Variants in FGF14 observed in about 807,000 individuals in gnomAD.
FGF14 encodes the protein fibroblast growth factor 14, also known as fibroblast growth factor homologous factor 4.
A neutral mutation model predicts 25.5 loss-of-function variants in FGF14; 5 were observed. That is an observed-to-expected ratio of 0.20 (90% CI 0.10 to 0.41). The LOEUF (loss-of-function observed/expected upper bound fraction) is 0.41, where lower values mean the gene tolerates loss of function less well. Among genes scored for constraint, FGF14 ranks in the 10% least tolerant of loss-of-function variants. The pLI is 1.00. For synonymous variants in FGF14, 138 were observed against 118.3 expected (o/e 1.17, Z -1.08); for missense variants, 222 against 320.1 (o/e 0.69, Z 2.34).
chr13:102,047,859 C>T (rs1016651808), intron 1 of FGF14, among the ~76,000 whole-genome samples: 2 of 152,004 alleles, frequency 1.3e-5, no homozygotes. Flanking sequence ...AATAGTTTTT[C>T]TCAACATTAA....
chr13:102,132,550 T>C (rs954316519), intron 1 of FGF14, among the ~76,000 whole-genome samples: 4 of 150,806 alleles, frequency 2.7e-5, no homozygotes, highest in Non-Finnish European at 5.9e-5. Context: ...TGCCCAGGCC[T>C]GAGTGCAGTG....
At chr13:102,386,334 G>A (rs1348068966) in intron 1 of FGF14, among the ~76,000 whole-genome samples, 1 of 151,984 alleles carries the variant, frequency 6.6e-6, no homozygotes, top group Non-Finnish European at 1.5e-5. Context: ...GGTTTGCCAT[G>A]TCTGCCAGGC....
In FGF14 at chr13:102,183,440, G is replaced by A. The variant is rs543183690; in HGVS notation, c.208+218031C>T. On this transcript the variant is annotated intron_variant, in intron 1 of 4. Transcript: ENST00000376131. ...TTATAAAGCAGGATAAGTACTGCCA[G>A]ATCGTCCCTGCCATATAGACTAGTT... is the stretch of plus-strand genomic sequence containing the variant. Among the ~76,000 whole-genome samples the A allele has an allele frequency of 1.3e-5, 2 of 152,294 alleles. 1 individual carries two copies. Among genetic ancestry groups the A allele is most frequent in the Admixed American group, 1.3e-4 (2 of 15,284 alleles).
intron 3 of FGF14, among the ~76,000 whole-genome samples, chr13:101,842,886 C>T (rs2043259659): frequency 6.6e-6 from 1 of 152,020 alleles, no homozygotes; most frequent in South Asian, 2.1e-4. Flanking sequence ...AGCTGGGACA[C>T]CTTTGAGGAT....
chr13:102,177,953 G>T (rs991989175), intron 1 of FGF14, among the ~76,000 whole-genome samples: 1 of 151,882 alleles, frequency 6.6e-6, no homozygotes, highest in African/African-American at 2.4e-5. Context: ...TCATCATTCA[G>T]CACATAGCAC....
intron 1 of FGF14, among the ~76,000 whole-genome samples, chr13:101,925,391 C>T (rs950901591): frequency 6.6e-6 from 1 of 152,168 alleles, no homozygotes; most frequent in African/African-American, 2.4e-5. Flanking sequence ...CTTCCAAAAA[C>T]TCTCTACAAC....
intron 1 of FGF14, among the ~76,000 whole-genome samples, chr13:102,271,342 G>C (rs1460220897): frequency 6.6e-6 from 1 of 151,986 alleles, no homozygotes; most frequent in East Asian, 1.9e-4. Context: ...TCACCATTCT[G>C]TCTCGTCCAT....
At chr13:102,053,609 C>T (rs66962458) in intron 1 of FGF14, among the ~76,000 whole-genome samples, 5,028 of 152,114 alleles carry the variant, frequency 0.033, 269 homozygotes, top group African/African-American at 0.11. Context: ...CAATAAATGC[C>T]TACATCAAGA....
intron 1 of FGF14, among the ~76,000 whole-genome samples, chr13:102,108,941 ACTTAT>A (rs978804034): frequency 6.6e-6 from 1 of 152,006 alleles, no homozygotes; most frequent in Non-Finnish European, 1.5e-5. Flanking sequence ...TCTCAATCTG[ACTTAT>A]CTTTTAGATC....
intron 1 of FGF14, among the ~76,000 whole-genome samples, chr13:102,386,733 T>C (rs2058313233): frequency 2.0e-5 from 3 of 152,238 alleles, no homozygotes; most frequent in Admixed American, 2.0e-4. Flanking sequence ...CATTTCCATA[T>C]GACACAGATT....
chr13:102,364,741 A>G (rs2057661032), intron 1 of FGF14, among the ~76,000 whole-genome samples: 1 of 152,230 alleles, frequency 6.6e-6, no homozygotes, highest in African/African-American at 2.4e-5. Flanking sequence ...ACAGCACCGC[A>G]GCCAGTGGTC....
chr13:102,325,626 A>C (rs2056400692), intron 1 of FGF14, among the ~76,000 whole-genome samples: 2 of 152,246 alleles, frequency 1.3e-5, no homozygotes, highest in African/African-American at 4.8e-5. Flanking sequence ...TTACAATTTA[A>C]AATTTCAATT....
chr13:102,350,884 C>T (rs891170944), intron 1 of FGF14, among the ~76,000 whole-genome samples: 4 of 152,206 alleles, frequency 2.6e-5, no homozygotes, highest in African/African-American at 7.2e-5. Context: ...TCACTGGACA[C>T]GGCCTCCCTC....
chr13:102,141,838 CTGGGAAAAGGT>C (rs2046656146), intron 1 of FGF14, among the ~76,000 whole-genome samples: 1 of 152,056 alleles, frequency 6.6e-6, no homozygotes, highest in Admixed American at 6.6e-5. Context: ...AGGCTGTTTT[CTGGGAAAAGGT>C]TTTGAAAATG....
intron 1 of FGF14, among the ~76,000 whole-genome samples, chr13:102,245,627 G>T (rs2051827882): frequency 6.6e-6 from 1 of 151,796 alleles, no homozygotes; most frequent in African/African-American, 2.4e-5. Context: ...ATTTTATAAG[G>T]ATTTAATGAA....
intron 1 of FGF14, among the ~76,000 whole-genome samples, chr13:102,387,755 T>A (rs1014121463): frequency 2.0e-5 from 3 of 152,032 alleles, no homozygotes; most frequent in Non-Finnish European, 4.4e-5. Flanking sequence ...TTTTTTGAGA[T>A]GGACTCTCGC....
intron 1 of FGF14, among the ~76,000 whole-genome samples, chr13:102,001,970 G>A (rs2039521491): frequency 6.6e-6 from 1 of 152,288 alleles, no homozygotes; most frequent in Admixed American, 6.5e-5. Context: ...TGGTGCTACA[G>A]GCACTGCAGC....
chr13:101,751,294 G>T (rs933912306), intron 3 of FGF14, among the ~76,000 whole-genome samples: 3 of 152,072 alleles, frequency 2.0e-5, no homozygotes, highest in African/African-American at 7.2e-5. Context: ...TGGAGGGAGG[G>T]ATGGGAGCAA....
At chr13:101,878,297 G>A (rs542040233) in intron 1 of FGF14, among the ~76,000 whole-genome samples, 1 of 152,274 alleles carries the variant, frequency 6.6e-6, no homozygotes, top group Admixed American at 6.5e-5. Context: ...ACACACCTTT[G>A]CAGAGCTGCC....
Sources: gnomAD v4.1 joint callset for allele counts (sites outside exome capture counted in the v4.1 genomes callset) on GRCh38, gnomAD v4.1.1 for gene constraint, MANE v1.5 for transcripts, NCBI Gene and HGNC (gene_info 2026-07-23, HGNC 2026-07-21) for gene names.